Variants in IL10RB observed in about 807,000 individuals in gnomAD.
The protein encoded by IL10RB is interleukin-10 receptor subunit beta.
A neutral mutation model predicts 38.7 loss-of-function variants in IL10RB; 30 were observed. That is an observed-to-expected ratio of 0.78 (90% CI 0.58 to 1.05). IL10RB has a LOEUF of 1.05. Ranked by LOEUF, IL10RB falls within the 50% of genes least tolerant of loss-of-function variation. The pLI, the probability that IL10RB is intolerant of heterozygous loss-of-function variation, is 0.00. For synonymous variants in IL10RB, 142 were observed against 145.9 expected (o/e 0.97, Z 0.19); for missense variants, 328 against 397.1 (o/e 0.83, Z 1.48).
At chr21:33,308,343 G>A (rs371726604) in intron 1 of IL10RB, 1 of 152,184 alleles carries the variant, frequency 6.6e-6, no homozygotes, top group South Asian at 2.1e-4. Flanking sequence ...GGATGTTAAA[G>A]TGTCCTGAAA....
chr21:33,309,227 A>G (rs2083006171), exon 2 of IL10RB: 1 of 152,246 alleles, frequency 6.6e-6, no homozygotes, highest in African/African-American at 2.4e-5. Context: ...TGGATCACCA[A>G]TAACACCAGC....
At chr21:33,269,701 C>T (rs1364603554) in intron 2 of IL10RB, among the ~76,000 whole-genome samples, 1 of 150,366 alleles carries the variant, frequency 6.7e-6, no homozygotes, top group Non-Finnish European at 1.5e-5. Flanking sequence ...CTCTGTCACC[C>T]AGGCTGGAGT....
intron 2 of IL10RB, among the ~76,000 whole-genome samples, chr21:33,270,909 A>C (rs2843983): frequency 0.67 from 101,180 of 151,256 alleles, 33,930 homozygotes; most frequent in East Asian, 0.75. Context: ...TCCTGGCCTC[A>C]AGTGATCCAC....
intron 1 of IL10RB, chr21:33,268,053 G>T: frequency 1.5e-5 from 6 of 407,650 alleles, no homozygotes; most frequent in South Asian, 1.3e-4. Context: ...CAGCTTTTAT[G>T]CATCAAATGT....
chr21:33,267,541 G>T (rs1334918758), intron 1 of IL10RB, among the ~76,000 whole-genome samples: 17 of 105,162 alleles, frequency 1.6e-4, no homozygotes, highest in Non-Finnish European at 2.7e-4. Context: ...ACAGGGTTTT[G>T]CTCTGTTGCT....
chr21:33,300,582 T>C (rs1027566398), downstream of IL10RB, among the ~76,000 whole-genome samples: 1 of 151,872 alleles, frequency 6.6e-6, no homozygotes, highest in Admixed American at 6.5e-5. Flanking sequence ...ATATGCAAAG[T>C]GAAAGAAAAC....
chr21:33,286,451 G>T (rs1017192630), intron 5 of IL10RB, among the ~76,000 whole-genome samples: 25 of 152,218 alleles, frequency 1.6e-4, no homozygotes, highest in African/African-American at 6.0e-4. Flanking sequence ...CGAACAAGGG[G>T]AGCTGGGACC....
At chr21:33,272,891 TTCC>T (rs1327821340) in intron 2 of IL10RB, among the ~76,000 whole-genome samples, 1 of 152,248 alleles carries the variant, frequency 6.6e-6, no homozygotes, top group Non-Finnish European at 1.5e-5. Context: ...ATCTCTTTTC[TTCC>T]ACTTCACTTT....
At chr21:33,291,607 G>A (rs1360147974) in intron 6 of IL10RB, among the ~76,000 whole-genome samples, 1 of 152,108 alleles carries the variant, frequency 6.6e-6, no homozygotes, top group East Asian at 1.9e-4. Flanking sequence ...ACACCTAACA[G>A]GATCCTCTAC....
At chr21:33,294,659 G>T (rs1194036611) in intron 6 of IL10RB, among the ~76,000 whole-genome samples, 1 of 152,168 alleles carries the variant, frequency 6.6e-6, no homozygotes, top group African/African-American at 2.4e-5. Flanking sequence ...TCCATGCCAG[G>T]AGGTAGTGGA....
chr21:33,266,396 G>C lies in IL10RB; in HGVS notation c.-70G>C. The C allele has an allele frequency of 6.6e-7, 1 of 1,509,220 alleles. No individual in the cohort carries two copies. The highest frequency in any genetic ancestry group is 8.9e-7 in the Non-Finnish European group (1 of 1,125,212). 93.5% of individuals were successfully genotyped at this position (1,509,220 alleles called of 1,614,324 possible). A position where few individuals can be genotyped will look rare whatever the true frequency, so the allele number is the denominator to read the frequency against. On this transcript the variant is annotated 5_prime_UTR_variant, in exon 1 of 7. Transcript: ENST00000290200. ...CCGCTGGTTCCCGGAAGCCGCCGCG[G>C]ACAAGCTCTCCCGGGCGCGGGCGGG... is the stretch of plus-strand genomic sequence containing the variant.
chr21:33,286,985 G>A (rs973323153), intron 5 of IL10RB, among the ~76,000 whole-genome samples: 3 of 152,184 alleles, frequency 2.0e-5, no homozygotes, highest in African/African-American at 7.2e-5. Flanking sequence ...GGCCCTCTGT[G>A]TCTGTGAACC....
At chr21:33,301,976 C>T (rs568777158), downstream of IL10RB, among the ~76,000 whole-genome samples, 2 of 152,310 alleles carry the variant, frequency 1.3e-5, no homozygotes, top group East Asian at 3.9e-4. Context: ...CAATGACCTG[C>T]TTCTACCCAT....
intron 1 of IL10RB, among the ~76,000 whole-genome samples, chr21:33,267,245 C>G (rs1405402574): frequency 6.6e-6 from 1 of 151,988 alleles, no homozygotes; most frequent in Non-Finnish European, 1.5e-5. Flanking sequence ...CCCTCCTGCT[C>G]TGTCAGGTTT....
chr21:33,309,138 A>G (rs2083005958), exon 2 of IL10RB: 1 of 152,206 alleles, frequency 6.6e-6, no homozygotes. Context: ...CTTGCATCCA[A>G]CAAAAGTGCA....
intron 4 of IL10RB, among the ~76,000 whole-genome samples, chr21:33,280,699 A>G (rs1010998853): frequency 5.9e-5 from 9 of 152,192 alleles, no homozygotes; most frequent in African/African-American, 2.2e-4. Context: ...CTAAACTGAC[A>G]TATATATGTT....
chr21:33,271,806 C>T (rs1370684013), intron 2 of IL10RB, among the ~76,000 whole-genome samples: 1 of 151,672 alleles, frequency 6.6e-6, no homozygotes, highest in Admixed American at 6.6e-5. Context: ...ACAATTGATG[C>T]ATTAGTTTAA....
downstream of IL10RB, chr21:33,297,377 C>G (rs2082972075): frequency 6.6e-6 from 1 of 151,610 alleles, no homozygotes; most frequent in Non-Finnish European, 1.5e-5. Context: ...TCTGGGAGCT[C>G]TCAGTCTAAA....
chr21:33,285,465 A>G (rs1193921749), intron 5 of IL10RB, among the ~76,000 whole-genome samples: 2 of 152,132 alleles, frequency 1.3e-5, no homozygotes, highest in Non-Finnish European at 2.9e-5. Flanking sequence ...TACACGGAGG[A>G]TGTAGATTAG....
Sources: allele counts gnomAD v4.1 joint callset (sites outside exome capture counted in the v4.1 genomes callset), GRCh38; gene constraint gnomAD v4.1.1; transcripts MANE v1.5; gene names NCBI Gene and HGNC (gene_info 2026-07-23, HGNC 2026-07-21).